Variants in CPB1 observed in about 807,000 individuals in gnomAD.
CPB1 encodes the protein carboxypeptidase B.
A neutral mutation model predicts 51.4 loss-of-function variants in CPB1; 53 were observed. That is an observed-to-expected ratio of 1.03 (90% CI 0.83 to 1.30). The LOEUF is 1.30. CPB1 is among the 50% of genes most tolerant of loss of function. CPB1 has a pLI of 0.00. For synonymous variants in CPB1, 189 were observed against 186.9 expected, an observed-to-expected ratio of 1.01 and a Z score of -0.09; for missense variants, 494 against 516.2, an observed-to-expected ratio of 0.96 and a Z score of 0.42.
chr3:148,852,532 C>G (rs966755014), intron 9 of CPB1, among the ~76,000 whole-genome samples: 5 of 152,184 alleles, frequency 3.3e-5, no homozygotes, highest in African/African-American at 1.2e-4. Flanking sequence ...AAGGCTCTCG[C>G]CTTTCACAGG....
chr3:148,835,138 C>T (rs1469046847), intron 3 of CPB1, among the ~76,000 whole-genome samples: 1 of 152,136 alleles, frequency 6.6e-6, no homozygotes, highest in East Asian at 1.9e-4. Flanking sequence ...GAGAAAGACG[C>T]AAAGAAAGGA....
intron 2 of CPB1, among the ~76,000 whole-genome samples, chr3:148,833,340 C>T (rs1427427449): frequency 6.6e-6 from 1 of 152,128 alleles, no homozygotes; most frequent in African/African-American, 2.4e-5. Flanking sequence ...GACTCACCAC[C>T]TCTAGATTTC....
chr3:148,829,366 C>G (rs1559955344), intron 2 of CPB1, among the ~76,000 whole-genome samples: 2 of 152,140 alleles, frequency 1.3e-5, no homozygotes, highest in Non-Finnish European at 2.9e-5. Context: ...ATTTGTAAAG[C>G]AGACATTTAT....
At chr3:148,851,978 T>G (rs1713447504) in intron 9 of CPB1, 1 of 152,204 alleles carries the variant, frequency 6.6e-6, no homozygotes, top group Non-Finnish European at 1.5e-5. Flanking sequence ...ATTGTAACCA[T>G]GTCCAAATAT....
intron 2 of CPB1, among the ~76,000 whole-genome samples, chr3:148,829,624 T>C (rs754834300): frequency 4.6e-5 from 7 of 152,218 alleles, no homozygotes; most frequent in Non-Finnish European, 7.4e-5. Context: ...TTTAGAAAAC[T>C]AATTCAGTCA....
At chr3:148,828,576 C>T (rs1451651043) in intron 2 of CPB1, among the ~76,000 whole-genome samples, 1 of 152,132 alleles carries the variant, frequency 6.6e-6, no homozygotes, top group Non-Finnish European at 1.5e-5. Flanking sequence ...GGGTAAAAAG[C>T]CATGAGTGAT....
At chr3:148,845,331 C>A in intron 8 of CPB1, 93 bp from the exon 9 acceptor site, 1 of 1,074,238 alleles carries the variant, frequency 9.3e-7, no homozygotes, top group East Asian at 2.4e-5. Context: ...ATAAGGACTC[C>A]TATGAAAACA....
chr3:148,857,411 A>G (rs1340437594), intron 9 of CPB1, 46 bp from the exon 10 acceptor site: 3 of 1,409,240 alleles, frequency 2.1e-6, no homozygotes, highest in African/African-American at 2.8e-5. Flanking sequence ...TTTGTTTGGC[A>G]GTGTGCTTTT....
intron 2 of CPB1, among the ~76,000 whole-genome samples, chr3:148,832,710 C>A (rs1712776882): frequency 6.6e-6 from 1 of 152,172 alleles, no homozygotes; most frequent in Admixed American, 6.5e-5. Context: ...CTTGGTTGAA[C>A]CACAAAGAAT....
chr3:148,858,812 C>T (rs4521178), intron 10 of CPB1, among the ~76,000 whole-genome samples: 96,486 of 151,900 alleles, frequency 0.64, 30,722 homozygotes, highest in Middle Eastern at 0.74. Flanking sequence ...GTATATCTTC[C>T]TTTGCCTTCA....
chr3:148,853,487 T>A lies in CPB1; in HGVS notation c.982-3970T>A, dbSNP rs532358729. ...TTTGTCTCTTGGGCTACGAGCTAGA[T>A]GTGACATTTTAGACTCTCTCTGTCT... On this transcript the variant is annotated intron_variant, in intron 9 of 10. Transcript: ENST00000282957. 2.0e-5 allele frequency among the ~76,000 whole-genome samples: 3 copies of A among 152,340 alleles called. No homozygotes were observed. In the South Asian group the frequency reaches 6.2e-4, roughly 32 times the overall value.
rs111810877 is a variant in CPB1, at chr3:148,855,540, G to A, written c.982-1917G>A. 6.9e-3 allele frequency: 1,050 copies of A among 152,220 alleles called. 11 individuals carry two copies. Among genetic ancestry groups the A allele is most frequent in the African/African-American group, 0.024 (978 of 41,526 alleles). 9.4% of individuals were successfully genotyped at this position (152,220 alleles called of 1,614,324 possible). ...AACAGATCACAAGTAGCCCCCTTTGGTTTTGTCTGAAAACTGTATTACTAC... is the reference window on the plus strand; with the variant it reads ...AACAGATCACAAGTAGCCCCCTTTGATTTTGTCTGAAAACTGTATTACTAC... On this transcript the variant is annotated intron_variant, in intron 9 of 10. Coordinates refer to ENST00000282957, the MANE Select transcript of CPB1 (RefSeq NM_001871.3).
intron 2 of CPB1, among the ~76,000 whole-genome samples, chr3:148,832,250 G>A (rs577095271): frequency 7.4e-4 from 113 of 152,184 alleles, no homozygotes; most frequent in Non-Finnish European, 1.2e-3. Context: ...TAGGACCAAT[G>A]GGTAAGAGCT....
At chr3:148,856,772 A>G (rs1163637714) in intron 9 of CPB1, 1 of 152,220 alleles carries the variant, frequency 6.6e-6, no homozygotes, top group Non-Finnish European at 1.5e-5. Flanking sequence ...TGATGCTTCT[A>G]AGAAAAAAGA....
intron 8 of CPB1, 143 bp downstream of exon 8, chr3:148,844,910 ACCAGTTTAATTCATTTGACC>A: frequency 4.1e-6 from 3 of 739,844 alleles, no homozygotes; most frequent in Non-Finnish European, 6.5e-6. Flanking sequence ...AAAAAAAAAA[ACCAGTTTAATTCATTTGACC>A]AAAACATATT....
chr3:148,835,810 T>A (rs1187176608), intron 3 of CPB1, among the ~76,000 whole-genome samples: 1 of 152,208 alleles, frequency 6.6e-6, no homozygotes, highest in African/African-American at 2.4e-5. Flanking sequence ...GTTTTTCACG[T>A]CTTAAAAATG....
At chr3:148,841,701 A>C (rs1198960431) in intron 5 of CPB1, 122 bp from the exon 6 acceptor site, 5 of 655,576 alleles carry the variant, frequency 7.6e-6, no homozygotes, top group Non-Finnish European at 5.4e-6. Flanking sequence ...TAATCATGGG[A>C]TCCAGCTCTT....
chr3:148,845,277 C>G, intron 8 of CPB1, 147 bp from the exon 9 acceptor site: 1 of 596,468 alleles, frequency 1.7e-6, no homozygotes, highest in Non-Finnish European at 2.9e-6. Context: ...GGATATTTTA[C>G]TATATAATAT....
Position 148,849,574 on chromosome 3 carries a change from T to TTAATAA in CPB1, c.981+3960_981+3965dup, listed in dbSNP as rs149687062. Reference sequence around the variant, plus strand: ...CTGCAAAGATGTCTACATGACACTGTTAATAATAATAATAATACAACTTCA... The same window carrying TTAATAA: ...CTGCAAAGATGTCTACATGACACTGTTAATAATAATAATAATAATAATACAACTTCA... On this transcript the variant is annotated intron_variant, in intron 9 of 10. Coordinates refer to ENST00000282957, the MANE Select transcript of CPB1 (RefSeq NM_001871.3). Among the ~76,000 whole-genome samples, 1,155 of 152,078 alleles carry TTAATAA rather than the reference T, an allele frequency of 7.6e-3. 18 individuals carry two copies. The highest frequency in any genetic ancestry group is 0.027 in the African/African-American group (1,099 of 41,466).
Sources: gnomAD v4.1 joint callset for allele counts (sites outside exome capture counted in the v4.1 genomes callset) on GRCh38, gnomAD v4.1.1 for gene constraint, MANE v1.5 for transcripts, NCBI Gene and HGNC (gene_info 2026-07-23, HGNC 2026-07-21) for gene names.